The following PCDH8 variants were observed in gnomAD, a reference collection of about 807,000 sequenced individuals.
PCDH8 encodes protocadherin-8.
In PCDH8, 36 loss-of-function variants were observed where a neutral mutation model predicts 58.2. The ratio of observed to expected loss-of-function variants is 0.62; its 90% CI spans 0.47 to 0.82. PCDH8 has a LOEUF of 0.82. PCDH8 is among the 40% of genes least tolerant of loss of function. The probability of loss-of-function intolerance (pLI) is 0.00; values close to 1 mark genes in which losing one functional copy is unlikely to be tolerated. For synonymous variants in PCDH8, 775 were observed against 728.9 expected, an observed-to-expected ratio of 1.06 and a Z score of -1.02; for missense variants, 1,493 against 1,567.8, an observed-to-expected ratio of 0.95 and a Z score of 0.81.
Position 52,847,660 on chromosome 13 carries a change from C to T in PCDH8, c.777G>A (p.Ala259=), listed in dbSNP as rs1346124014. 2.5e-6 allele frequency: 4 copies of T among 1,569,184 alleles called. No homozygotes were observed. Among genetic ancestry groups the T allele is most frequent in the Non-Finnish European group, 3.4e-6 (4 of 1,167,060 alleles). ...AVAEVELAED[A]PVGSLLLDLD... is the part of the protein sequence containing the mutation. ...GGTCGAGAAGCAGGGAGCCCACGGG[C>T]GCGTCTTCCGCCAGCTCCACTTCGG... The change falls in exon 1 of 3, where the codon GCG becomes GCA. Residue 259 remains alanine (A), a synonymous_variant. Transcript: ENST00000377942.
rs1262066025 is a variant in PCDH8 at position 52,847,023 on chromosome 13, G to C, written c.1414C>G (p.Arg472Gly). The C allele has an allele frequency of 6.4e-7, 1 of 1,565,396 alleles. No individual in the cohort carries two copies. Among genetic ancestry groups the C allele is most frequent in the Admixed American group, 1.8e-5 (1 of 55,160 alleles). Residue 472 changes from arginine (R) to glycine (G), a missense_variant, in exon 1 of 3, where the codon CGC (arginine) becomes GGC (glycine). Physicochemically the swap from Arg to Gly is moderately radical, Grantham distance 125. Coordinates refer to ENST00000377942, the MANE Select transcript of PCDH8 (RefSeq NM_002590.4). ...ACTGTGCGCAGCGGGGGCGCGCCGC[G>C]ATCCTCGGCCACCAGCGTCAAGTTG... Reference protein sequence around the residue: ...EYNLTLVAEDRGAPPLRTVRP... With the variant: ...EYNLTLVAEDGGAPPLRTVRP...
rs181612605 is a variant in PCDH8 at position 52,844,023 on chromosome 13, G to A, written c.*537C>T. On this transcript the variant is annotated 3_prime_UTR_variant, in exon 3 of 3. Transcript: ENST00000377942. The stretch of plus-strand genomic sequence containing the variant: ...TTATTACTGTGCTTATAAGTGACAC[G>A]GTTTACGGAAAACCAAATGTAATTA... The A allele has an allele frequency of 4.6e-5, 7 of 152,650 alleles. No individual in the cohort carries two copies. The East Asian group carries it at 1.3e-3, about 29-fold the overall frequency. The allele number at this position is 152,650 out of a possible 1,614,324, so 9.5% of individuals were successfully genotyped here.
rs751398851 is a variant in PCDH8, at chr13:52,848,157, G to A, written c.280C>T (p.Arg94Trp). The A allele has an allele frequency of 4.3e-6, 7 of 1,612,532 alleles. No individual in the cohort carries two copies. The South Asian group carries it at 5.5e-5, about 13-fold the overall frequency. Reference protein sequence around the residue: ...TVGDAGLDRERLCGQAPQCVL... With the variant: ...TVGDAGLDREWLCGQAPQCVL... ...CACTGCGGGGCCTGGCCACACAGCC[G>A]CTCGCGGTCCAGGCCGGCGTCCCCG... Residue 94 changes from arginine (R) to tryptophan (W), a missense_variant, in exon 1 of 3, where the codon CGG becomes TGG. Transcript: ENST00000377942.
rs1210082909 is a variant in PCDH8 at position 52,846,859 on chromosome 13, C to A, written c.1578G>T (p.Leu526=). Residue 526 remains leucine, a synonymous_variant, in exon 1 of 3, where the codon CTG becomes CTT. Transcript: ENST00000377942. ...GGTAGGTGACCTGGCCGTTGCGGCC[C>A]AGGTCCCGGTCGCGGGCGGCCACCG... ...LATVAARDRD[L]GRNGQVTYRL... is the part of the protein sequence containing the mutation. 4 of 1,549,168 alleles carry A rather than the reference C, an allele frequency of 2.6e-6. No individual in the cohort carries two copies. The South Asian group carries it at 3.5e-5, about 14-fold the overall frequency.
rs1256653234 is a variant in PCDH8, at chr13:52,843,830, A to G, written c.*730T>C. ...TTTAATACTTGGGTGACATTTTGCAATACTTGAAATCCTACAGGTTTAATA... is the reference window on the plus strand; with the variant it reads ...TTTAATACTTGGGTGACATTTTGCAGTACTTGAAATCCTACAGGTTTAATA... On this transcript the variant is annotated 3_prime_UTR_variant, in exon 3 of 3. Transcript: ENST00000377942. 1 of 152,242 alleles carries G rather than the reference A, an allele frequency of 6.6e-6. No homozygotes were observed. Among genetic ancestry groups the G allele is most frequent in the Non-Finnish European group, 1.5e-5 (1 of 68,040 alleles). 9.4% of individuals were successfully genotyped at this position (152,242 alleles called of 1,614,324 possible).
Position 52,847,930 on chromosome 13 carries a change from C to T in PCDH8, c.507G>A (p.Leu169=), listed in dbSNP as rs780708743. The T allele has an allele frequency of 3.7e-6, 6 of 1,603,896 alleles. No homozygotes were observed. In the Admixed American group the frequency reaches 1.0e-4, roughly 27 times the overall value. ...GCGGCTCGGCCAGGCGCACGGTCTGCAGCCCGTTGGCGCCCACGTCCTCGT... is the reference window on the plus strand; with the variant it reads ...GCGGCTCGGCCAGGCGCACGGTCTGTAGCCCGTTGGCGCCCACGTCCTCGT... ...PVDEDVGANG[L]QTVRLAEPHS... Residue 169 remains leucine, a synonymous_variant, in exon 1 of 3, where the codon CTG becomes CTA. Transcript: ENST00000377942.
At position 52,848,492 on chromosome 13, in the gene PCDH8, G is replaced by C. The variant is rs1337607283; in HGVS notation, c.-56C>G. 5 of 1,514,078 alleles carry C rather than the reference G, an allele frequency of 3.3e-6. No individual in the cohort carries two copies. In the African/African-American group the frequency reaches 5.5e-5, roughly 17 times the overall value. The allele number at this position is 1,514,078 out of a possible 1,614,324, so 93.8% of individuals were successfully genotyped here. On this transcript the variant is annotated 5_prime_UTR_variant, in exon 1 of 3. Coordinates refer to ENST00000377942, the MANE Select transcript of PCDH8 (RefSeq NM_002590.4). ...TAAGGAAGTCTTCTCTGGTTTCCAG[G>C]TCGGGCGTCAGTCTCAGGCTCTCGG...
rs543928257 is a variant in PCDH8 at position 52,843,307 on chromosome 13, T to C, written c.*1253A>G. 1.3e-5 allele frequency: 2 copies of C among 152,356 alleles called. No homozygotes were observed. Among genetic ancestry groups the C allele is most frequent in the African/African-American group, 4.8e-5 (2 of 41,586 alleles). The allele number at this position is 152,356 out of a possible 1,614,324, so 9.4% of individuals were successfully genotyped here. A position where few individuals can be genotyped will look rare whatever the true frequency, so the allele number is the denominator to read the frequency against. ...TACCTCACATGCACCTATGCTAGCA[T>C]TGACAATTATCAATATCTTATCAAA... On this transcript the variant is annotated 3_prime_UTR_variant, in exon 3 of 3. Coordinates refer to ENST00000377942, the MANE Select transcript of PCDH8 (RefSeq NM_002590.4).
chr13:52,846,441 G>T lies in PCDH8; in HGVS notation c.1996C>A (p.Arg666Ser), dbSNP rs775428165. 19 of 1,599,280 alleles carry T rather than the reference G, an allele frequency of 1.2e-5. No homozygotes were observed. The highest frequency in any genetic ancestry group is 1.6e-5 in the Non-Finnish European group (19 of 1,179,288). ...GTGAGCAGTATCTCCCCCGTGCGGC[G>T]GCCGATGGCGAAGGCTTCGCGCGGC... is the stretch of plus-strand genomic sequence containing the variant. ...QEPREAFAIG[R>S]RTGEILLTGD... Residue 666 changes from arginine to serine, a missense_variant, in exon 1 of 3, where the codon CGC becomes AGC. Physicochemically the swap from Arg to Ser is moderately radical, Grantham distance 110. Around this residue, in one of 3 missense-constraint regions of PCDH8, gnomAD observed 1,307 missense variants for 1,362.7 expected, o/e 0.96. Coordinates refer to ENST00000377942, the MANE Select transcript of PCDH8 (RefSeq NM_002590.4).
At position 52,846,902 on chromosome 13, in the gene PCDH8, G is replaced by A; in HGVS notation, c.1535C>T (p.Pro512Leu). The part of the protein sequence containing the change: ...YEVSVRENNP[P>L]GAYLATVAAR... ...GGCCACCGTGGCCAGGTAGGCGCCT[G>A]GCGGGTTGTTCTCGCGCACCGACAC... is the stretch of plus-strand genomic sequence containing the variant. The change falls in exon 1 of 3, where the codon CCA (proline) becomes CTA (leucine). Residue 512 changes from proline to leucine, a missense_variant. Around this residue, in one of 3 missense-constraint regions of PCDH8, gnomAD observed 1,307 missense variants for 1,362.7 expected, o/e 0.96. Coordinates refer to ENST00000377942, the MANE Select transcript of PCDH8 (RefSeq NM_002590.4). The A allele has an allele frequency of 1.3e-6, 2 of 1,577,988 alleles. No individual in the cohort carries two copies. The highest frequency in any genetic ancestry group is 2.3e-5 in the South Asian group (2 of 87,394).
In PCDH8 at chr13:52,845,426, ACT is replaced by A; in HGVS notation, c.2836_2837del (p.Ser946TrpfsTer8). Reference protein sequence around the residue: ...LKKDLINHMQSGLWACTAECK... With the variant: ...LKKDLINHMQXGLWACTAECK... Reference sequence around the variant, plus strand: ...TTGGCGGGAAAGAAGAGTCCTCACCACTCTGCATGTGGTTGATGAGATCCTTT... The same window carrying A: ...TTGGCGGGAAAGAAGAGTCCTCACCACTGCATGTGGTTGATGAGATCCTTT... On this transcript the variant is annotated frameshift_variant and splice_region_variant, in exon 2 of 3. Coordinates refer to ENST00000377942, the MANE Select transcript of PCDH8 (RefSeq NM_002590.4). LOFTEE classifies it high-confidence loss of function. 6.2e-7 allele frequency: 1 copy of A among 1,613,956 alleles called. No individual in the cohort carries two copies. Among genetic ancestry groups the A allele is most frequent in the Non-Finnish European group, 8.5e-7 (1 of 1,179,918 alleles).
Position 52,847,394 on chromosome 13 carries a change from T to C in PCDH8, c.1043A>G (p.Asn348Ser). 1 of 1,557,082 alleles carries C rather than the reference T, an allele frequency of 6.4e-7. No homozygotes were observed. The highest frequency in any genetic ancestry group is 8.6e-7 in the Non-Finnish European group (1 of 1,159,364). The change falls in exon 1 of 3, where the codon AAT becomes AGT. Residue 348 changes from asparagine (N) to serine (S), a missense_variant. Transcript: ENST00000377942. ...GATGGCGATGTCGGGTGCGTTGTCA[T>C]TGACGTCTCGGATGCGCACGATGAC... is the stretch of plus-strand genomic sequence containing the variant. ...CKVIVRIRDV[N>S]DNAPDIAITP...
Position 52,846,691 on chromosome 13 carries a change from G to T in PCDH8, c.1746C>A (p.Ser582Arg). 6.3e-7 allele frequency: 1 copy of T among 1,599,756 alleles called. No homozygotes were observed. The highest frequency in any genetic ancestry group is 8.5e-7 in the Non-Finnish European group (1 of 1,177,054). ...LRQLDVRIQA[S>R]DGGSPQLSSS... ...TGGAAAGCTGAGGGGAGCCGCCGTC[G>T]CTAGCTTGGATGCGAACGTCGAGTT... Residue 582 changes from serine to arginine, a missense_variant, in exon 1 of 3, where the codon AGC becomes AGA. Around this residue, in one of 3 missense-constraint regions of PCDH8, gnomAD observed 1,307 missense variants for 1,362.7 expected, o/e 0.96. Coordinates refer to ENST00000377942, the MANE Select transcript of PCDH8 (RefSeq NM_002590.4).
Position 52,846,835 on chromosome 13 carries a change from G to A in PCDH8, c.1602C>T (p.Tyr534=), listed in dbSNP as rs1442956557. ...RDLGRNGQVT[Y]RLLEAEVGRA... ...GGCCCACCTCGGCCTCCAGCAGCCG[G>A]TAGGTGACCTGGCCGTTGCGGCCCA... is the stretch of plus-strand genomic sequence containing the variant. The change falls in exon 1 of 3, where the codon TAC becomes TAT. Residue 534 remains tyrosine, a synonymous_variant. Coordinates refer to ENST00000377942, the MANE Select transcript of PCDH8 (RefSeq NM_002590.4). 6.5e-7 allele frequency: 1 copy of A among 1,549,654 alleles called. No homozygotes were observed. Among genetic ancestry groups the A allele is most frequent in the African/African-American group, 1.4e-5 (1 of 73,502 alleles).
At position 52,847,280 on chromosome 13, in the gene PCDH8, G is replaced by A; in HGVS notation, c.1157C>T (p.Ser386Leu). Residue 386 changes from serine to leucine, a missense_variant, in exon 1 of 3, where the codon TCG becomes TTG. Ser to Leu is a moderately radical substitution (Grantham distance 145, BLOSUM62 -2). Coordinates refer to ENST00000377942, the MANE Select transcript of PCDH8 (RefSeq NM_002590.4). ...CTCCGGCGTCCCGGCTCCCGCCGGC[G>A]AGCTAGCGTCCGCTCCCCCGAGTGC... ...AAALGGADAS[S>L]PAGAGTPEAG... The A allele has an allele frequency of 2.9e-6, 4 of 1,381,956 alleles. No homozygotes were observed. The highest frequency in any genetic ancestry group is 2.8e-6 in the Non-Finnish European group (3 of 1,074,210). 85.6% of individuals were successfully genotyped at this position (1,381,956 alleles called of 1,614,324 possible). A position where few individuals can be genotyped will look rare whatever the true frequency, so the allele number is the denominator to read the frequency against.
At position 52,844,129 on chromosome 13, in the gene PCDH8, G is replaced by T. The variant is rs1053571425; in HGVS notation, c.*431C>A. The T allele has an allele frequency of 6.5e-6, 1 of 152,992 alleles. No individual in the cohort carries two copies. The highest frequency in any genetic ancestry group is 2.4e-5 in the African/African-American group (1 of 41,458). The allele number at this position is 152,992 out of a possible 1,614,324, so 9.5% of individuals were successfully genotyped here. On this transcript the variant is annotated 3_prime_UTR_variant, in exon 3 of 3. Coordinates refer to ENST00000377942, the MANE Select transcript of PCDH8 (RefSeq NM_002590.4). ...CAAGGCAAAATTTCTCAAACACTAG[G>T]TTGTTTCAGGTGAAAGATAAATTTC...
rs1370103043 is a variant in PCDH8, at chr13:52,843,051, A to G, written c.*1509T>C. 2 of 152,202 alleles carry G rather than the reference A, an allele frequency of 1.3e-5. No individual in the cohort carries two copies. Among genetic ancestry groups the G allele is most frequent in the Non-Finnish European group, 2.9e-5 (2 of 68,048 alleles). The allele number at this position is 152,202 out of a possible 1,614,324, so 9.4% of individuals were successfully genotyped here. A position where few individuals can be genotyped will look rare whatever the true frequency, so the allele number is the denominator to read the frequency against. The stretch of plus-strand genomic sequence containing the variant: ...ATGATACTTCCCATATCCTGGGGGT[A>G]GTTTGCTGATTAAATGAGATAATTC... On this transcript the variant is annotated 3_prime_UTR_variant, in exon 3 of 3. Transcript: ENST00000377942.
chr13:52,848,213 C>G lies in PCDH8; in HGVS notation c.224G>C (p.Arg75Pro), dbSNP rs1195035451. Residue 75 changes from arginine (R) to proline (P), a missense_variant, in exon 1 of 3, where the codon CGG (arginine) becomes CCG (proline). This residue lies in a region of PCDH8 where 1,307 missense variants were observed against 1,362.7 expected (regional missense o/e 0.96). Coordinates refer to ENST00000377942, the MANE Select transcript of PCDH8 (RefSeq NM_002590.4). ...LMKQFNSSLL[R>P]VREGDGQLTV... ...CAGCTGCCCGTCGCCTTCGCGCACCCGGAGCAGAGAGCTGTTGAATTGCTT... is the reference window on the plus strand; with the variant it reads ...CAGCTGCCCGTCGCCTTCGCGCACCGGGAGCAGAGAGCTGTTGAATTGCTT... 1 of 1,613,122 alleles carries G rather than the reference C, an allele frequency of 6.2e-7. No homozygotes were observed. Among genetic ancestry groups the G allele is most frequent in the Non-Finnish European group, 8.5e-7 (1 of 1,179,750 alleles).
rs3742301 is a variant in PCDH8 at position 52,848,418 on chromosome 13, A to T, written c.19T>A (p.Trp7Arg). Residue 7 changes from tryptophan to arginine, a missense_variant, in exon 1 of 3, where the codon TGG becomes AGG. By Grantham distance (101) the Trp-to-Arg change is moderately radical. Around this residue, in one of 3 missense-constraint regions of PCDH8, gnomAD observed 1,307 missense variants for 1,362.7 expected, o/e 0.96. Coordinates refer to ENST00000377942, the MANE Select transcript of PCDH8 (RefSeq NM_002590.4). ...AAGGGGAAAAGGCAGGGGCTGCCCC[A>T]ACGCCTCACAGGACTCATGCCTCCA... MSPVRR[W>R]GSPCLFPLQL... 119 of 1,604,888 alleles carry T rather than the reference A, an allele frequency of 7.4e-5. No individual in the cohort carries two copies. The highest frequency in any genetic ancestry group is 9.6e-5 in the Non-Finnish European group (113 of 1,177,734).
Sources: gnomAD v4.1 joint callset for allele counts on GRCh38, gnomAD v4.1.1 for gene constraint, gnomAD v4.1.1 regional missense constraint, MANE v1.5 for transcripts, NCBI Gene and HGNC (gene_info 2026-07-23, HGNC 2026-07-21) for gene names.